CNTNAP2: variants seen among roughly 807,000 people sequenced by gnomAD.
CNTNAP2 encodes contactin associated protein 2.
A neutral mutation model predicts 155.2 loss-of-function variants in CNTNAP2; 98 were observed. That is an observed-to-expected ratio of 0.63 (90% CI 0.54 to 0.75). The LOEUF is 0.75. Among genes scored for constraint, CNTNAP2 ranks in the 30% least tolerant of loss-of-function variants. The pLI, the probability that CNTNAP2 is intolerant of heterozygous loss-of-function variation, is 0.00. For synonymous variants in CNTNAP2, 651 were observed against 631.2 expected (o/e 1.03, Z -0.47); for missense variants, 1,727 against 1,688.1 (o/e 1.02, Z -0.40).
intron 1 of CNTNAP2, among the ~76,000 whole-genome samples, chr7:146,369,050 T>C (rs199892655): frequency 0.016 from 2,245 of 139,116 alleles, 21 homozygotes; most frequent in Middle Eastern, 0.046. Flanking sequence ...TATATATATA[T>C]ACATATATAT....
rs189990079 is a variant in CNTNAP2, at chr7:147,553,228, C to G, written c.1778-8910C>G. ...AGCATGTAGCACGTGTCTACCTGCC[C>G]TTGAATCTAAGATCGCAGAGACCAG... On this transcript the variant is annotated intron_variant, in intron 11 of 23. Transcript: ENST00000361727. 8.5e-5 allele frequency among the ~76,000 whole-genome samples: 13 copies of G among 152,194 alleles called. 1 individual carries two copies. The East Asian group carries it at 2.5e-3, about 30-fold the overall frequency.
chr7:146,578,136 T>A (rs1344247292), intron 1 of CNTNAP2, among the ~76,000 whole-genome samples: 1 of 152,170 alleles, frequency 6.6e-6, no homozygotes, highest in African/African-American at 2.4e-5. Context: ...TATCGCTAAG[T>A]TATTTTTGCC....
intron 13 of CNTNAP2, among the ~76,000 whole-genome samples, chr7:147,863,516 C>T (rs1344878396): frequency 1.3e-5 from 2 of 152,216 alleles, no homozygotes; most frequent in Non-Finnish European, 2.9e-5. Flanking sequence ...CTGTCTTCCA[C>T]AATGGTTGAA....
intron 3 of CNTNAP2, among the ~76,000 whole-genome samples, chr7:146,982,304 AAATATAT>A (rs1392104247): frequency 6.6e-5 from 10 of 152,286 alleles, no homozygotes; most frequent in African/African-American, 2.2e-4. Context: ...TATCTTTTAA[AAATATAT>A]AATATATAAG....
chr7:147,142,077 C>A lies in CNTNAP2; in HGVS notation c.1348+9568C>A, dbSNP rs188070546. Among the ~76,000 whole-genome samples the A allele has an allele frequency of 3.2e-3, 484 of 152,174 alleles. 5 individuals carry two copies. The highest frequency in any genetic ancestry group is 0.01 in the African/African-American group (434 of 41,508). ...GAATACCCTTTATTTCCTTCTCCTG[C>A]CTGATTGCCCTGGCCAGAACTTCCA... On this transcript the variant is annotated intron_variant, in intron 8 of 23. Coordinates refer to ENST00000361727, the MANE Select transcript of CNTNAP2 (RefSeq NM_014141.6).
intron 13 of CNTNAP2, among the ~76,000 whole-genome samples, chr7:147,715,554 T>C (rs1417992936): frequency 6.6e-6 from 1 of 152,130 alleles, no homozygotes; most frequent in Non-Finnish European, 1.5e-5. Context: ...GGGGTTTTTT[T>C]AGTATTGAAA....
At chr7:146,737,088 C>A (rs1042237289) in intron 1 of CNTNAP2, among the ~76,000 whole-genome samples, 1 of 151,884 alleles carries the variant, frequency 6.6e-6, no homozygotes, top group Non-Finnish European at 1.5e-5. Flanking sequence ...TTCAAAGCAT[C>A]CAAAAAATAA....
chr7:147,406,014 C>T (rs1051829288), intron 10 of CNTNAP2, among the ~76,000 whole-genome samples: 1 of 152,130 alleles, frequency 6.6e-6, no homozygotes, highest in Non-Finnish European at 1.5e-5. Flanking sequence ...TGTAGGTTTT[C>T]AGTTAAATTA....
Position 146,477,624 on chromosome 7 carries a change from A to AACACAC in CNTNAP2, c.98-296601_98-296596dup, listed in dbSNP as rs1162610079. Among the ~76,000 whole-genome samples the AACACAC allele has an allele frequency of 3.1e-3, 405 of 131,722 alleles. 2 individuals are homozygous for AACACAC. Among genetic ancestry groups the AACACAC allele is most frequent in the East Asian group, 0.013 (54 of 4,270 alleles). The allele number at this position is 131,722 out of a possible 152,430, so 86.4% of individuals were successfully genotyped here. A position where few individuals can be genotyped will look rare whatever the true frequency, so the allele number is the denominator to read the frequency against. ...TTCCAGTAATCATTCTTCTTCAGCA[A>AACACAC]ACACACACACACACACACACACACA... On this transcript the variant is annotated intron_variant, in intron 1 of 23. Coordinates refer to ENST00000361727, the MANE Select transcript of CNTNAP2 (RefSeq NM_014141.6).
intron 15 of CNTNAP2, among the ~76,000 whole-genome samples, chr7:148,092,591 G>A (rs1432728053): frequency 6.6e-6 from 1 of 152,102 alleles, no homozygotes; most frequent in African/African-American, 2.4e-5. Flanking sequence ...GAAGCCTAGT[G>A]GTTTTGAGTA....
intron 13 of CNTNAP2, among the ~76,000 whole-genome samples, chr7:147,872,448 T>C (rs987212440): frequency 1.3e-5 from 2 of 152,192 alleles, no homozygotes; most frequent in Non-Finnish European, 2.9e-5. Flanking sequence ...CAGAATTACC[T>C]TTGCCTAGCA....
intron 1 of CNTNAP2, among the ~76,000 whole-genome samples, chr7:146,194,883 C>G (rs1205266501): frequency 6.6e-6 from 1 of 152,090 alleles, no homozygotes; most frequent in Admixed American, 6.6e-5. Context: ...GTCTGGAGAC[C>G]TGAATTCTAG....
chr7:147,256,816 TGTAGTGGTGG>T (rs1804339018), intron 8 of CNTNAP2, among the ~76,000 whole-genome samples: 1 of 151,692 alleles, frequency 6.6e-6, no homozygotes, highest in Non-Finnish European at 1.5e-5. Context: ...AAAGAAAACA[TGTAGTGGTGG>T]GTGGAGGAAG....
At chr7:146,284,897 TCCCACAGGCTATGACTATG>T (rs1800302640) in intron 1 of CNTNAP2, among the ~76,000 whole-genome samples, 1 of 152,170 alleles carries the variant, frequency 6.6e-6, no homozygotes, top group African/African-American at 2.4e-5. Context: ...GCTCCCTGCC[TCCCACAGGCTATGACTATG>T]CTTCTTGTGG....
chr7:146,411,794 GTTATT>G (rs1795868197), intron 1 of CNTNAP2, among the ~76,000 whole-genome samples: 1 of 148,810 alleles, frequency 6.7e-6, no homozygotes, highest in Non-Finnish European at 1.5e-5. Flanking sequence ...GATCAACATT[GTTATT>G]TTTATTTTAT....
intron 15 of CNTNAP2, among the ~76,000 whole-genome samples, chr7:148,108,845 C>A (rs1804280927): frequency 6.6e-6 from 1 of 152,114 alleles, no homozygotes; most frequent in Non-Finnish European, 1.5e-5. Context: ...GTTCTTATCC[C>A]CCAAAATGTT....
chr7:146,708,349 T>G (rs1162777426), intron 1 of CNTNAP2, among the ~76,000 whole-genome samples: 2 of 152,032 alleles, frequency 1.3e-5, no homozygotes, highest in Non-Finnish European at 2.9e-5. Flanking sequence ...ACATAATCAA[T>G]AAGGTAACCA....
chr7:147,288,129 T>C (rs139523619), intron 8 of CNTNAP2, among the ~76,000 whole-genome samples: 2 of 152,292 alleles, frequency 1.3e-5, no homozygotes, highest in East Asian at 1.9e-4. Flanking sequence ...TGACCTCTTG[T>C]TGTCCTTCAG....
At chr7:146,905,205 G>A (rs1466466371) in intron 3 of CNTNAP2, among the ~76,000 whole-genome samples, 5 of 151,620 alleles carry the variant, frequency 3.3e-5, no homozygotes, top group African/African-American at 4.8e-5. Flanking sequence ...GAGTCGGGAG[G>A]GGGAAATTGC....
Sources: gnomAD v4.1 joint callset for allele counts (sites outside exome capture counted in the v4.1 genomes callset) on GRCh38, gnomAD v4.1.1 for gene constraint, MANE v1.5 for transcripts, NCBI Gene and HGNC (gene_info 2026-07-23, HGNC 2026-07-21) for gene names.